The following ADAP2 variants were observed in gnomAD, a reference collection of about 807,000 sequenced individuals.
ADAP2 encodes the protein arf-GAP with dual PH domain-containing protein 2.
Under a neutral mutation model 54.9 loss-of-function variants are expected in ADAP2, and 42 were observed. That is an observed-to-expected ratio of 0.77 (90% CI 0.60 to 0.99). ADAP2 has a LOEUF of 0.99. Among genes scored for constraint, ADAP2 ranks in the 50% least tolerant of loss-of-function variants. The pLI is 0.00. For synonymous variants in ADAP2, 177 were observed against 180.1 expected, an observed-to-expected ratio of 0.98 and a Z score of 0.14; for missense variants, 429 against 480.4, an observed-to-expected ratio of 0.89 and a Z score of 1.00.
intron 4 of ADAP2, 124 bp downstream of exon 4, chr17:30,932,092 G>A: frequency 1.2e-6 from 1 of 842,998 alleles, no homozygotes; most frequent in Non-Finnish European, 1.9e-6. Flanking sequence ...TGGCCGCAGA[G>A]GCCAAGGTGT....
rs1343946645 is a variant in ADAP2, at chr17:30,931,814, G to A, written c.318-75G>A. 4 of 1,139,758 alleles carry A rather than the reference G, an allele frequency of 3.5e-6. No individual in the cohort carries two copies. In the Admixed American group the frequency reaches 6.0e-5, roughly 17 times the overall value. The allele number at this position is 1,139,758 out of a possible 1,614,324, so 70.6% of individuals were successfully genotyped here. On this transcript the variant is annotated intron_variant, in intron 3 of 10. Coordinates refer to ENST00000330889, the MANE Select transcript of ADAP2 (RefSeq NM_018404.3). ...ACTGCACTCCAGCCTGGGCAACAGA[G>A]GGAGACCCTGTCTCAAAAAAAAAAA... is the stretch of plus-strand genomic sequence containing the variant.
At chr17:30,954,340 A>G in intron 8 of ADAP2, 138 bp from the exon 9 acceptor site, 1 of 719,962 alleles carries the variant, frequency 1.4e-6, no homozygotes, top group Non-Finnish European at 2.5e-6. Context: ...GAGAAGCACT[A>G]GGATGTCTGA....
At chr17:30,952,134 A>G (rs1042592223) in intron 7 of ADAP2, among the ~76,000 whole-genome samples, 2 of 152,182 alleles carry the variant, frequency 1.3e-5, no homozygotes, top group African/African-American at 2.4e-5. Context: ...GCCTAGGAGC[A>G]TAGGAGGCCA....
chr17:30,955,918 A>AT (rs954251914), intron 9 of ADAP2, among the ~76,000 whole-genome samples: 3 of 150,764 alleles, frequency 2.0e-5, no homozygotes, highest in African/African-American at 4.9e-5. Flanking sequence ...ATAATTAATA[A>AT]TTTTTTTTTG....
intron 5 of ADAP2, among the ~76,000 whole-genome samples, chr17:30,943,457 T>C (rs901926873): frequency 7.9e-5 from 12 of 151,962 alleles, no homozygotes; most frequent in African/African-American, 2.9e-4. Context: ...CTATTTACAA[T>C]AGCAAAAACA....
rs189524524 is a variant in ADAP2, at chr17:30,945,864, A to G, written c.657+811A>G. On this transcript the variant is annotated intron_variant, in intron 6 of 10. Coordinates refer to ENST00000330889, the MANE Select transcript of ADAP2 (RefSeq NM_018404.3). ...AAACTGCATTAAAAAAAAAAAAAAAAAAGAAGAGGCCGGGCGCGGTGGCTC... is the reference window on the plus strand; with the variant it reads ...AAACTGCATTAAAAAAAAAAAAAAAGAAGAAGAGGCCGGGCGCGGTGGCTC... Among the ~76,000 whole-genome samples, 828 of 150,976 alleles carry G rather than the reference A, an allele frequency of 5.5e-3. 12 individuals carry two copies. Among genetic ancestry groups the G allele is most frequent in the African/African-American group, 0.019 (783 of 41,148 alleles).
chr17:30,951,493 T>TA (rs200138177), intron 7 of ADAP2, among the ~76,000 whole-genome samples: 4 of 152,000 alleles, frequency 2.6e-5, no homozygotes, highest in South Asian at 4.1e-4. Flanking sequence ...TTTCTTACAT[T>TA]AAAAATTTTT....
At chr17:30,929,443 C>T (rs1000787875) in intron 3 of ADAP2, among the ~76,000 whole-genome samples, 1 of 152,238 alleles carries the variant, frequency 6.6e-6, no homozygotes, top group African/African-American at 2.4e-5. Flanking sequence ...AACACGTGCG[C>T]TGTGCTAGGC....
Position 30,957,961 on chromosome 17 carries a change from C to T in ADAP2, c.*92C>T. Reference sequence around the variant, plus strand: ...CGGCCCTGGCTGCCCACCATCAGTGCCCCGCAGTCAGCAGCCATTCCTGGC... The same window carrying T: ...CGGCCCTGGCTGCCCACCATCAGTGTCCCGCAGTCAGCAGCCATTCCTGGC... On this transcript the variant is annotated 3_prime_UTR_variant, in exon 11 of 11. Coordinates refer to ENST00000330889, the MANE Select transcript of ADAP2 (RefSeq NM_018404.3). 1 of 1,224,272 alleles carries T rather than the reference C, an allele frequency of 8.2e-7. No individual in the cohort carries two copies. The highest frequency in any genetic ancestry group is 1.2e-6 in the Non-Finnish European group (1 of 844,554). 75.8% of individuals were successfully genotyped at this position (1,224,272 alleles called of 1,614,324 possible).
At chr17:30,948,992 T>G (rs1379747184) in intron 6 of ADAP2, among the ~76,000 whole-genome samples, 3 of 152,162 alleles carry the variant, frequency 2.0e-5, no homozygotes, top group Admixed American at 1.3e-4. Context: ...TTTGCACGCA[T>G]TAGAAGGTGA....
intron 6 of ADAP2, 63 bp from the exon 7 acceptor site, chr17:30,949,224 A>T: frequency 1.8e-5 from 23 of 1,254,470 alleles, no homozygotes; most frequent in Non-Finnish European, 2.6e-5. Context: ...CCGCCACCAG[A>T]GGTAGCTTCC....
intron 3 of ADAP2, among the ~76,000 whole-genome samples, chr17:30,929,027 T>A (rs1598027585): frequency 6.6e-6 from 1 of 152,176 alleles, no homozygotes; most frequent in Non-Finnish European, 1.5e-5. Flanking sequence ...TACCTAGTGG[T>A]CTTGTAATTT....
intron 2 of ADAP2, 143 bp downstream of exon 2, chr17:30,923,213 G>A: frequency 1.0e-6 from 1 of 962,672 alleles, no homozygotes; most frequent in South Asian, 1.4e-5. Flanking sequence ...TTATAAGATG[G>A]CAGCTTAGAC....
At chr17:30,934,132 C>T (rs1464842526) in intron 4 of ADAP2, 53 bp from the exon 5 acceptor site, 2 of 1,434,462 alleles carry the variant, frequency 1.4e-6, no homozygotes, top group African/African-American at 1.4e-5. Context: ...TCCTGAGCTG[C>T]TTGTGATCTT....
At position 30,931,921 on chromosome 17, in the gene ADAP2, A is replaced by T. The variant is rs538747126; in HGVS notation, c.350A>T (p.Tyr117Phe). 1 of 1,613,972 alleles carries T rather than the reference A, an allele frequency of 6.2e-7. No individual in the cohort carries two copies. The highest frequency in any genetic ancestry group is 2.2e-5 in the East Asian group (1 of 44,878). The change falls in exon 4 of 11, where the codon TAT (tyrosine) becomes TTT (phenylalanine). Residue 117 changes from tyrosine (Y) to phenylalanine (F), a missense_variant. By Grantham distance (22) the Tyr-to-Phe change is conservative. Transcript: ENST00000330889. ...AAGGAACAATGGATTCGAGCTAAGT[A>T]TGAGAGACGGGAATTTATGGCTGAT... The part of the protein sequence containing the change: ...VLKEQWIRAK[Y>F]ERREFMADGE...
intron 8 of ADAP2, among the ~76,000 whole-genome samples, chr17:30,953,638 G>A (rs539854921): frequency 6.6e-6 from 1 of 152,120 alleles, no homozygotes; most frequent in Non-Finnish European, 1.5e-5. Flanking sequence ...CCAGATTCAA[G>A]CGATTCTCCT....
chr17:30,957,045 G>A (rs1905130501), intron 10 of ADAP2: 1 of 157,676 alleles, frequency 6.3e-6, no homozygotes, highest in Non-Finnish European at 1.4e-5. Context: ...GGAAACTGCT[G>A]GCCCAGGACC....
At chr17:30,956,068 T>A (rs886234877) in intron 9 of ADAP2, among the ~76,000 whole-genome samples, 173 bp from the exon 10 acceptor site, 2 of 152,144 alleles carry the variant, frequency 1.3e-5, no homozygotes, top group Non-Finnish European at 2.9e-5. Context: ...CAATAGATGA[T>A]GTGTATGATT....
At chr17:30,930,561 G>A (rs1170013064) in intron 3 of ADAP2, among the ~76,000 whole-genome samples, 6 of 152,048 alleles carry the variant, frequency 3.9e-5, no homozygotes, top group Admixed American at 6.6e-5. Context: ...CACACAGCTG[G>A]CAGCAAGGCC....
Sources: gnomAD v4.1 joint callset for allele counts (sites outside exome capture counted in the v4.1 genomes callset) on GRCh38, gnomAD v4.1.1 for gene constraint, MANE v1.5 for transcripts, NCBI Gene and HGNC (gene_info 2026-07-23, HGNC 2026-07-21) for gene names.